Variants in MTMR7 observed in about 807,000 individuals in gnomAD.
MTMR7 encodes the protein myotubularin related protein 7.
A neutral mutation model predicts 81.2 loss-of-function variants in MTMR7; 76 were observed. The observed-to-expected ratio is 0.94, with a 90% CI of 0.78 to 1.13. The LOEUF is 1.13. Ranked by LOEUF, MTMR7 falls within the 50% of genes most tolerant of loss-of-function variation. The pLI is 0.00. For missense variants in MTMR7, 1,044 were observed against 820.0 expected, an observed-to-expected ratio of 1.27 and a Z score of -3.34; for synonymous variants, 372 against 289.8, an observed-to-expected ratio of 1.28 and a Z score of -2.88.
intron 5 of MTMR7, chr8:17,346,146 C>T (rs952965664): frequency 2.0e-5 from 3 of 152,168 alleles, no homozygotes; most frequent in East Asian, 1.9e-4. Context: ...TAATACTTCC[C>T]TTTAGGAAAA....
chr8:17,364,021 A>ATTTTT (rs36217265), intron 3 of MTMR7, among the ~76,000 whole-genome samples: 1 of 71,056 alleles, frequency 1.4e-5, no homozygotes, highest in African/African-American at 4.7e-5. Context: ...TGTTGCTATT[A>ATTTTT]TTTTTTTTTT....
At chr8:17,326,646 T>G (rs1466527989) in intron 7 of MTMR7, 1 of 152,234 alleles carries the variant, frequency 6.6e-6, no homozygotes, top group Admixed American at 6.5e-5. Flanking sequence ...CCCACTGGCC[T>G]TGAAGAAACA....
At chr8:17,384,205 G>A (rs370297904) in intron 1 of MTMR7, among the ~76,000 whole-genome samples, 5 of 152,108 alleles carry the variant, frequency 3.3e-5, no homozygotes, top group African/African-American at 1.2e-4. Context: ...GAGGCCGACA[G>A]TTCGAGACCA....
intron 1 of MTMR7, among the ~76,000 whole-genome samples, chr8:17,399,005 A>T (rs979893478): frequency 1.3e-5 from 2 of 152,194 alleles, no homozygotes; most frequent in African/African-American, 4.8e-5. Context: ...CATATACAAC[A>T]GACTCACAGC....
chr8:17,349,292 C>T, intron 4 of MTMR7: 2 of 500,934 alleles, frequency 4.0e-6, no homozygotes, highest in South Asian at 5.7e-5. Flanking sequence ...ACGCAAGCTA[C>T]CCTTAGTGTT....
At chr8:17,367,289 G>A (rs1182885510) in intron 3 of MTMR7, among the ~76,000 whole-genome samples, 2 of 152,138 alleles carry the variant, frequency 1.3e-5, no homozygotes, top group African/African-American at 2.4e-5. Context: ...TTATTTAAGT[G>A]TTGAAGTACC....
chr8:17,313,443 C>G (rs772623072), intron 7 of MTMR7, 42 bp from the exon 8 acceptor site: 2 of 1,283,774 alleles, frequency 1.6e-6, no homozygotes, highest in Non-Finnish European at 2.2e-6. Context: ...TTAAGGTACT[C>G]TCTCATTTTA....
chr8:17,371,677 G>A (rs146977348), intron 2 of MTMR7, among the ~76,000 whole-genome samples: 268 of 152,100 alleles, frequency 1.8e-3, no homozygotes, highest in Middle Eastern at 3.4e-3. Flanking sequence ...GCTGTTGGTG[G>A]TCGGGCAGGC....
chr8:17,397,981 T>C (rs1296956169), intron 1 of MTMR7, among the ~76,000 whole-genome samples: 1 of 152,146 alleles, frequency 6.6e-6, no homozygotes. Context: ...AGGCAGTACC[T>C]CCGTGAGTCT....
chr8:17,374,800 G>A (rs1820525824), intron 1 of MTMR7, among the ~76,000 whole-genome samples: 1 of 150,832 alleles, frequency 6.6e-6, no homozygotes, highest in Non-Finnish European at 1.5e-5. Context: ...GTGACAGAGT[G>A]AGACTCCATC....
rs1586203367 is a variant in MTMR7, at chr8:17,331,170, C to G, written c.845G>C (p.Ser282Thr). Residue 282 changes from serine (S) to threonine (T), a missense_variant, in exon 7 of 14, where the codon AGT becomes ACT. Transcript: ENST00000180173. Reference sequence around the variant, plus strand: ...TTTACCTTCCAGCATTTTCTGCAGACTGTTCCTCATGACATGGATGTTCTC... The same window carrying G: ...TTTACCTTCCAGCATTTTCTGCAGAGTGTTCCTCATGACATGGATGTTCTC... The part of the protein sequence containing the change: ...GIENIHVMRN[S>T]LQKMLEVCEL... 2.5e-6 allele frequency: 4 copies of G among 1,611,582 alleles called. No individual in the cohort carries two copies. The highest frequency in any genetic ancestry group is 1.3e-5 in the African/African-American group (1 of 74,938).
chr8:17,335,155 C>T (rs1429666439), intron 6 of MTMR7, among the ~76,000 whole-genome samples: 3 of 152,024 alleles, frequency 2.0e-5, no homozygotes, highest in East Asian at 1.9e-4. Flanking sequence ...GAATAAGGAG[C>T]GAGCAGAGAG....
In MTMR7 at chr8:17,358,445, T is replaced by A. The variant is rs555536575; in HGVS notation, c.468+2672A>T. 3.9e-5 allele frequency among the ~76,000 whole-genome samples: 6 copies of A among 152,216 alleles called. No homozygotes were observed. The East Asian group carries it at 5.8e-4, about 15-fold the overall frequency. On this transcript the variant is annotated intron_variant, in intron 4 of 13. Transcript: ENST00000180173. ...TTAAGGAGAAAATGTCCAATCACAA[T>A]CATAACAGGAATATTTTCACATACC...
Position 17,301,736 on chromosome 8 carries a change from G to A in MTMR7, c.1620+418C>T, listed in dbSNP as rs542144737. On this transcript the variant is annotated intron_variant, in intron 13 of 13. Transcript: ENST00000180173. ...AGAAGCCAAAAGATAAGACTTTACA[G>A]TCAGTCTCCCCTTTACCAATTATAG... is the stretch of plus-strand genomic sequence containing the variant. The A allele has an allele frequency of 3.0e-4, 53 of 179,200 alleles. No homozygotes were observed. In the South Asian group the frequency reaches 6.8e-3, roughly 23 times the overall value. The allele number at this position is 179,200 out of a possible 1,614,324, so 11.1% of individuals were successfully genotyped here. A position where few individuals can be genotyped will look rare whatever the true frequency, so the allele number is the denominator to read the frequency against.
chr8:17,363,507 A>T (rs1820120669), intron 3 of MTMR7, among the ~76,000 whole-genome samples: 1 of 152,234 alleles, frequency 6.6e-6, no homozygotes, highest in Non-Finnish European at 1.5e-5. Context: ...TTATCCATAA[A>T]TTACAGCAAG....
intron 1 of MTMR7, among the ~76,000 whole-genome samples, chr8:17,390,326 C>T (rs888928666): frequency 2.6e-5 from 4 of 151,728 alleles, no homozygotes; most frequent in Non-Finnish European, 5.9e-5. Context: ...GAGGAGGTGC[C>T]ACACTCTTTT....
intron 4 of MTMR7, 172 bp from the exon 5 acceptor site, chr8:17,349,253 C>T (rs758200449): frequency 4.6e-6 from 3 of 659,074 alleles, no homozygotes; most frequent in Non-Finnish European, 2.5e-6. Flanking sequence ...AAGGAAGTGC[C>T]GCTGATTCTA....
chr8:17,378,383 G>A (rs958120321), intron 1 of MTMR7, among the ~76,000 whole-genome samples: 20 of 152,178 alleles, frequency 1.3e-4, no homozygotes, highest in African/African-American at 3.6e-4. Context: ...ATACTAAGAC[G>A]TTGAAAACGA....
intron 1 of MTMR7, among the ~76,000 whole-genome samples, chr8:17,386,657 T>G (rs77713992): frequency 0.066 from 9,556 of 143,958 alleles, 402 homozygotes; most frequent in African/African-American, 0.11. Flanking sequence ...TGGCTCCAGT[T>G]GCCCCTGTCC....
Sources: gnomAD v4.1 joint callset for allele counts (sites outside exome capture counted in the v4.1 genomes callset) on GRCh38, gnomAD v4.1.1 for gene constraint, MANE v1.5 for transcripts, NCBI Gene and HGNC (gene_info 2026-07-23, HGNC 2026-07-21) for gene names.